Variants in PRAMEF12 observed in about 807,000 individuals in gnomAD.
The protein encoded by PRAMEF12 is PRAME family member 12.
PRAMEF12 carries 24 observed loss-of-function variants against 24.6 expected under a neutral mutation model. The ratio of observed to expected loss-of-function variants is 0.98; its 90% CI spans 0.71 to 1.37. The LOEUF (loss-of-function observed/expected upper bound fraction) is 1.37. Among genes scored for constraint, PRAMEF12 ranks in the 40% most tolerant of loss-of-function variants. The probability of loss-of-function intolerance (pLI) is 0.00; values close to 1 mark genes in which losing one functional copy is unlikely to be tolerated. For missense variants in PRAMEF12, 646 were observed against 580.3 expected (o/e 1.11, Z -1.16); for synonymous variants, 286 against 242.6 (o/e 1.18, Z -1.66).
rs960430398 is a variant in PRAMEF12, at chr1:12,774,187, A to G, written c.-681A>G. 3.3e-5 allele frequency among the ~76,000 whole-genome samples: 5 copies of G among 152,140 alleles called. No individual in the cohort carries two copies. The highest frequency in any genetic ancestry group is 2.6e-4 in the Admixed American group (4 of 15,284). ...ACATGTTAGGCCTTAGTTTTTACTA[A>G]TACCTTAAAGATATTCCATAGGCCA... On this transcript the variant is annotated 5_prime_UTR_variant, in exon 1 of 3. An upstream open reading frame in the 5' UTR loses its in-frame stop. Transcript: ENST00000357726.
In PRAMEF12 at chr1:12,777,333, C is replaced by G. The variant is rs1031394995; in HGVS notation, c.1186C>G (p.Leu396Val). The G allele has an allele frequency of 5.0e-6, 8 of 1,613,344 alleles. No individual in the cohort carries two copies. The highest frequency in any genetic ancestry group is 6.8e-6 in the Non-Finnish European group (8 of 1,179,874). ...CATCTCCATGGCCGCCCTGGAGAAC[C>G]TGCTGCGCCACACCGTCGGGCTGAG... ...NLISMAALEN[L>V]LRHTVGLSKL... is the part of the protein sequence containing the mutation. The change falls in exon 3 of 3, where the codon CTG (leucine) becomes GTG (valine). Residue 396 changes from leucine (L) to valine (V), a missense_variant. Coordinates refer to ENST00000357726, the MANE Select transcript of PRAMEF12 (RefSeq NM_001080830.5).
chr1:12,775,482 G>A, intron 1 of PRAMEF12, 61 bp from the exon 2 acceptor site: 7 of 1,453,172 alleles, frequency 4.8e-6, no homozygotes, highest in Middle Eastern at 1.8e-4. Flanking sequence ...TGATGTCCGG[G>A]ATGTGGATAA....
Position 12,775,148 on chromosome 1 carries a change from G to A in PRAMEF12, c.281G>A (p.Arg94His), listed in dbSNP as rs371925896. ...GATGCACTGCTTGCCCAGAAGGTTCGCCCCAGGTGAGGTGACCCAGCTAAC... is the reference window on the plus strand; with the variant it reads ...GATGCACTGCTTGCCCAGAAGGTTCACCCCAGGTGAGGTGACCCAGCTAAC... ...GLDALLAQKV[R>H]PRRWKLQVLD... Residue 94 changes from arginine (R) to histidine (H), a missense_variant, in exon 1 of 3, where the codon CGC becomes CAC. Coordinates refer to ENST00000357726, the MANE Select transcript of PRAMEF12 (RefSeq NM_001080830.5). 2.5e-5 allele frequency: 41 copies of A among 1,608,522 alleles called. No homozygotes were observed. Among genetic ancestry groups the A allele is most frequent in the Non-Finnish European group, 3.2e-5 (38 of 1,176,908 alleles).
At chr1:12,775,469 C>A in intron 1 of PRAMEF12, 74 bp from the exon 2 acceptor site, 2 of 1,357,570 alleles carry the variant, frequency 1.5e-6, no homozygotes, top group Non-Finnish European at 2.0e-6. Flanking sequence ...GGAGGAGAGT[C>A]GCTGATGTCC....
rs1639013344 is a variant in PRAMEF12 at position 12,774,021 on chromosome 1, A to C, written c.-847A>C. ...TTGTGCTTGGTTTTTGTCATTTCAA[A>C]ATTCTTATTGAAGCAGTTTTTTTTT... On this transcript the variant is annotated 5_prime_UTR_variant, in exon 1 of 3. Transcript: ENST00000357726. Among the ~76,000 whole-genome samples the C allele has an allele frequency of 6.6e-6, 1 of 151,860 alleles. No homozygotes were observed. The highest frequency in any genetic ancestry group is 2.1e-4 in the South Asian group (1 of 4,834).
At chr1:12,776,885 A>G (rs1381095828) in intron 2 of PRAMEF12, 126 bp from the exon 3 acceptor site, 1 of 1,022,446 alleles carries the variant, frequency 9.8e-7, no homozygotes, top group Non-Finnish European at 1.5e-6. Flanking sequence ...CAGAGTCTCC[A>G]TTCCCACACC....
chr1:12,777,795 G>A lies in PRAMEF12; in HGVS notation c.*196G>A, dbSNP rs539412500. On this transcript the variant is annotated 3_prime_UTR_variant, in exon 3 of 3. Transcript: ENST00000357726. ...ACCTGTGTCCCAGAGAATCAGAAAT[G>A]GGAATCTGAATTGCTAGAATGAGAA... 47 of 638,674 alleles carry A rather than the reference G, an allele frequency of 7.4e-5. No homozygotes were observed. In the Middle Eastern group the frequency reaches 1.3e-3, roughly 18 times the overall value. The allele number at this position is 638,674 out of a possible 1,614,324, so 39.6% of individuals were successfully genotyped here. A position where few individuals can be genotyped will look rare whatever the true frequency, so the allele number is the denominator to read the frequency against.
Position 12,775,137 on chromosome 1 carries a change from C to T in PRAMEF12, c.270C>T (p.Ala90=). The change falls in exon 1 of 3, where the codon GCC becomes GCT. Residue 90 remains alanine (A), a synonymous_variant. Coordinates refer to ENST00000357726, the MANE Select transcript of PRAMEF12 (RefSeq NM_001080830.5). ...AVLEGLDALL[A]QKVRPRRWKL... ...TGGAGGGGCTTGATGCACTGCTTGC[C>T]CAGAAGGTTCGCCCCAGGTGAGGTG... 4 of 1,611,506 alleles carry T rather than the reference C, an allele frequency of 2.5e-6. No individual in the cohort carries two copies. Among genetic ancestry groups the T allele is most frequent in the Non-Finnish European group, 2.5e-6 (3 of 1,178,448 alleles).
In PRAMEF12 at chr1:12,774,525, A is replaced by G. The variant is rs187979424; in HGVS notation, c.-343A>G. Among the ~76,000 whole-genome samples the G allele has an allele frequency of 7.9e-5, 12 of 152,306 alleles. No homozygotes were observed. The East Asian group carries it at 2.3e-3, about 29-fold the overall frequency. On this transcript the variant is annotated 5_prime_UTR_variant, in exon 1 of 3. Coordinates refer to ENST00000357726, the MANE Select transcript of PRAMEF12 (RefSeq NM_001080830.5). ...GGGGCCACAGGACATTCTCGTTCCC[A>G]TTGTTTTAGGGTGGTAAGTGACAAG...
rs781305529 is a variant in PRAMEF12 at position 12,775,157 on chromosome 1, G to A, written c.287+3G>A. On this transcript the variant is annotated splice_donor_region_variant and intron_variant, in intron 1 of 2. Transcript: ENST00000357726. ...CTTGCCCAGAAGGTTCGCCCCAGGT[G>A]AGGTGACCCAGCTAACCAGGTGGGG... The A allele has an allele frequency of 2.5e-6, 4 of 1,605,462 alleles. No homozygotes were observed. Among genetic ancestry groups the A allele is most frequent in the Non-Finnish European group, 3.4e-6 (4 of 1,175,312 alleles).
In PRAMEF12 at chr1:12,777,020, G is replaced by C. The variant is rs763494348; in HGVS notation, c.873G>C (p.Gln291His). 1.2e-6 allele frequency: 2 copies of C among 1,611,966 alleles called. No individual in the cohort carries two copies. The highest frequency in any genetic ancestry group is 1.7e-6 in the Non-Finnish European group (2 of 1,178,826). Reference sequence around the variant, plus strand: ...TCTTGTTCTCTCCCAGGTGTCTCCAGGCCCCCTTGGAGACAGTCGTAATGA... The same window carrying C: ...TCTTGTTCTCTCCCAGGTGTCTCCACGCCCCCTTGGAGACAGTCGTAATGA... ...GHLDQLLRCLQAPLETVVMTE... is the reference protein window; with the variant it reads ...GHLDQLLRCLHAPLETVVMTE... Residue 291 changes from glutamine to histidine, a missense_variant, in exon 3 of 3, where the codon CAG (glutamine) becomes CAC (histidine). By Grantham distance (24) the Gln-to-His change is conservative. Coordinates refer to ENST00000357726, the MANE Select transcript of PRAMEF12 (RefSeq NM_001080830.5).
Position 12,777,048 on chromosome 1 carries a change from G to A in PRAMEF12, c.901G>A (p.Glu301Lys), listed in dbSNP as rs539750824. Residue 301 changes from glutamate to lysine, a missense_variant, in exon 3 of 3, where the codon GAA becomes AAA. By Grantham distance (56) the Glu-to-Lys change is moderately conservative. Transcript: ENST00000357726. Reference sequence around the variant, plus strand: ...CCCCTTGGAGACAGTCGTAATGACCGAATGCCTGCTGTCAGAGTCGGACCT... The same window carrying A: ...CCCCTTGGAGACAGTCGTAATGACCAAATGCCTGCTGTCAGAGTCGGACCT... The part of the protein sequence containing the change: ...QAPLETVVMT[E>K]CLLSESDLKH... 12 of 1,613,816 alleles carry A rather than the reference G, an allele frequency of 7.4e-6. No homozygotes were observed. Among genetic ancestry groups the A allele is most frequent in the Admixed American group, 5.0e-5 (3 of 60,020 alleles).
intron 2 of PRAMEF12, 33 bp from the exon 3 acceptor site, chr1:12,776,978 A>T (rs768103734): frequency 2.5e-6 from 4 of 1,589,410 alleles, no homozygotes; most frequent in South Asian, 1.2e-5. Context: ...CTTCCCCACC[A>T]CTCTCCTCTA....
rs201538037 is a variant in PRAMEF12, at chr1:12,775,699, C to T, written c.444C>T (p.Ile148=). 29 of 1,613,786 alleles carry T rather than the reference C, an allele frequency of 1.8e-5. No individual in the cohort carries two copies. In the African/African-American group the frequency reaches 3.7e-4, roughly 21 times the overall value. ...RPGGQQPLMV[I]LDLCFKNGTL... is the part of the protein sequence containing the mutation. ...GTGGGCAGCAGCCCTTGATGGTGAT[C>T]CTAGACCTTTGCTTCAAGAATGGGA... The change falls in exon 2 of 3, where the codon ATC becomes ATT. Residue 148 remains isoleucine (I), a synonymous_variant. Coordinates refer to ENST00000357726, the MANE Select transcript of PRAMEF12 (RefSeq NM_001080830.5).
chr1:12,775,744 C>A lies in PRAMEF12; in HGVS notation c.489C>A (p.Thr163=), dbSNP rs1486964883. ...ATGGGACGCTGGATGAATGCCTCAC[C>A]CACTTCTTAGAGTGGGGCAAGCAGA... is the stretch of plus-strand genomic sequence containing the variant. ...FKNGTLDECL[T]HFLEWGKQRK... Residue 163 remains threonine (T), a synonymous_variant, in exon 2 of 3, where the codon ACC becomes ACA. Coordinates refer to ENST00000357726, the MANE Select transcript of PRAMEF12 (RefSeq NM_001080830.5). The A allele has an allele frequency of 6.2e-7, 1 of 1,613,722 alleles. No individual in the cohort carries two copies.
At position 12,774,389 on chromosome 1, in the gene PRAMEF12, C is replaced by A. The variant is rs942098659; in HGVS notation, c.-479C>A. 1.6e-4 allele frequency among the ~76,000 whole-genome samples: 25 copies of A among 152,266 alleles called. No homozygotes were observed. The highest frequency in any genetic ancestry group is 6.0e-4 in the African/African-American group (25 of 41,540). On this transcript the variant is annotated 5_prime_UTR_variant, in exon 1 of 3. Coordinates refer to ENST00000357726, the MANE Select transcript of PRAMEF12 (RefSeq NM_001080830.5). Reference sequence around the variant, plus strand: ...CTAGAACACTGTCATGCTGTTTTTACAATTTCTTGTTACAATTTTTCAAAA... The same window carrying A: ...CTAGAACACTGTCATGCTGTTTTTAAAATTTCTTGTTACAATTTTTCAAAA...
rs762134756 is a variant in PRAMEF12, at chr1:12,774,132, A to G, written c.-736A>G. On this transcript the variant is annotated 5_prime_UTR_variant, in exon 1 of 3. The change creates a new upstream start codon in the 5' untranslated region. Coordinates refer to ENST00000357726, the MANE Select transcript of PRAMEF12 (RefSeq NM_001080830.5). ...ATTGGTTTTTGTGCCCTTAAATTAT[A>G]GTTCATAGACTTGGTGGCATCGTGA... is the stretch of plus-strand genomic sequence containing the variant. Among the ~76,000 whole-genome samples the G allele has an allele frequency of 8.5e-5, 13 of 152,182 alleles. No homozygotes were observed. Among genetic ancestry groups the G allele is most frequent in the Non-Finnish European group, 1.3e-4 (9 of 68,036 alleles).
chr1:12,773,886 A>G lies in PRAMEF12; in HGVS notation c.-982A>G, dbSNP rs1484664110. 6.6e-6 allele frequency among the ~76,000 whole-genome samples: 1 copy of G among 152,226 alleles called. No homozygotes were observed. The highest frequency in any genetic ancestry group is 1.9e-4 in the East Asian group (1 of 5,200). ...CAGCCAGCCAGTCAGGGATGGTGAC[A>G]TGCAGCCCAAGGTGGCAGAGAGAAT... On this transcript the variant is annotated 5_prime_UTR_variant, in exon 1 of 3. An upstream start codon of the reference 5' UTR is lost. Transcript: ENST00000357726.
chr1:12,775,030 A>G lies in PRAMEF12; in HGVS notation c.163A>G (p.Met55Val), dbSNP rs1639026527. The change falls in exon 1 of 3, where the codon ATG becomes GTG. Residue 55 changes from methionine (M) to valine (V), a missense_variant. Coordinates refer to ENST00000357726, the MANE Select transcript of PRAMEF12 (RefSeq NM_001080830.5). ...GAGATGCTGCGAGACCCTGACAACTATGGTGCAGGCCTGGCCCTTCACCTG... is the reference window on the plus strand; with the variant it reads ...GAGATGCTGCGAGACCCTGACAACTGTGGTGCAGGCCTGGCCCTTCACCTG... ...TRRCCETLTTMVQAWPFTCLP... is the reference protein window; with the variant it reads ...TRRCCETLTTVVQAWPFTCLP... 2 of 1,613,986 alleles carry G rather than the reference A, an allele frequency of 1.2e-6. No individual in the cohort carries two copies. Among genetic ancestry groups the G allele is most frequent in the African/African-American group, 2.7e-5 (2 of 74,896 alleles).
Sources: allele counts gnomAD v4.1 joint callset (sites outside exome capture counted in the v4.1 genomes callset), GRCh38; gene constraint gnomAD v4.1.1; transcripts MANE v1.5; gene names NCBI Gene and HGNC (gene_info 2026-07-23, HGNC 2026-07-21).